COL10A1: variants seen among roughly 807,000 people sequenced by gnomAD.
COL10A1 encodes the protein collagen alpha-1(X) chain.
A neutral mutation model predicts 18.2 loss-of-function variants in COL10A1; 10 were observed. The ratio of observed to expected loss-of-function variants is 0.55; its 90% CI spans 0.34 to 0.93. The LOEUF (loss-of-function observed/expected upper bound fraction) is 0.93. Among genes scored for constraint, COL10A1 ranks in the 40% least tolerant of loss-of-function variants. The pLI is 0.02. For missense variants in COL10A1, 897 were observed against 853.5 expected, an observed-to-expected ratio of 1.05 and a Z score of -0.64; for synonymous variants, 330 against 316.6, an observed-to-expected ratio of 1.04 and a Z score of -0.45.
the COL10A1 span, among the ~76,000 whole-genome samples, chr6:116,181,109 G>A: frequency 3.3e-5 from 5 of 151,938 alleles, no homozygotes; most frequent in African/African-American, 1.2e-4. Flanking sequence ...TACATATATA[G>A]ATGAAAAGAT....
the COL10A1 span, among the ~76,000 whole-genome samples, chr6:116,192,679 G>GT: frequency 3.4e-3 from 521 of 152,128 alleles, 15 homozygotes; most frequent in South Asian, 0.046. Context: ...GAATTTTGAG[G>GT]TTTTGCCTTA....
intron 1 of COL10A1, among the ~76,000 whole-genome samples, chr6:116,149,743 T>A (rs1779988884): frequency 6.6e-6 from 1 of 152,164 alleles, no homozygotes; most frequent in Non-Finnish European, 1.5e-5. Context: ...GAATCTGGGA[T>A]CTCCACATAA....
At chr6:116,161,556 C>G (rs1390168109), upstream of COL10A1, among the ~76,000 whole-genome samples, 1 of 151,940 alleles carries the variant, frequency 6.6e-6, no homozygotes, top group African/African-American at 2.4e-5. Flanking sequence ...GGCTTTATTT[C>G]TGGGTTCTCT....
At chr6:116,160,245 A>G (rs1219159363), upstream of COL10A1, among the ~76,000 whole-genome samples, 9 of 152,132 alleles carry the variant, frequency 5.9e-5, no homozygotes, top group Admixed American at 5.2e-4. Context: ...GTGTATATAC[A>G]TTTCCTTTTC....
chr6:116,120,995 C>A lies in COL10A1; in HGVS notation c.1121G>T (p.Gly374Val). ...TGPAGPAGYP[G>V]AKGERGSPGS... is the part of the protein sequence containing the mutation. Reference sequence around the variant, plus strand: ...AGGGGAACCCCTTTCACCCTTAGCCCCAGGGTATCCTGCAGGCCCAGCTGG... The same window carrying A: ...AGGGGAACCCCTTTCACCCTTAGCCACAGGGTATCCTGCAGGCCCAGCTGG... The change falls in exon 3 of 3, where the codon GGG (glycine) becomes GTG (valine). Residue 374 changes from glycine (G) to valine (V), a missense_variant. Transcript: ENST00000651968. 1 of 1,613,966 alleles carries A rather than the reference C, an allele frequency of 6.2e-7. No individual in the cohort carries two copies. The highest frequency in any genetic ancestry group is 8.5e-7 in the Non-Finnish European group (1 of 1,179,888).
At chr6:116,135,849 A>ATATATATATATATATATG (rs1562132583) in intron 1 of COL10A1, among the ~76,000 whole-genome samples, 1 of 102,484 alleles carries the variant, frequency 9.8e-6, no homozygotes, top group South Asian at 2.5e-4. Flanking sequence ...ATATATATAT[A>ATATATATATATATATATG]TATATATATA....
At chr6:116,141,384 A>G (rs1215387372) in intron 1 of COL10A1, among the ~76,000 whole-genome samples, 1 of 151,900 alleles carries the variant, frequency 6.6e-6, no homozygotes, top group Non-Finnish European at 1.5e-5. Flanking sequence ...TCTCTAGGGC[A>G]TCTTATGTGT....
At chr6:116,134,518 T>A (rs1001779314) in intron 1 of COL10A1, among the ~76,000 whole-genome samples, 3 of 152,186 alleles carry the variant, frequency 2.0e-5, no homozygotes, top group African/African-American at 7.2e-5. Context: ...TGTCCCTGAA[T>A]GAAGGAACTA....
At chr6:116,188,487 T>C in the COL10A1 span, among the ~76,000 whole-genome samples, 1 of 151,946 alleles carries the variant, frequency 6.6e-6, no homozygotes, top group Non-Finnish European at 1.5e-5. Flanking sequence ...ATGAACAACA[T>C]GAATGAATCT....
upstream of COL10A1, among the ~76,000 whole-genome samples, chr6:116,130,002 A>G (rs1216353997): frequency 6.6e-6 from 1 of 152,188 alleles, no homozygotes; most frequent in East Asian, 1.9e-4. Context: ...TACTTCTGTT[A>G]GGAAGCCCTT....
chr6:116,129,005 C>T (rs759531835), upstream of COL10A1, among the ~76,000 whole-genome samples: 3 of 152,156 alleles, frequency 2.0e-5, no homozygotes, highest in Non-Finnish European at 4.4e-5. Context: ...CTGATCTCAA[C>T]TCGCTGTCAC....
At chr6:116,144,890 A>C (rs1387354218) in intron 1 of COL10A1, among the ~76,000 whole-genome samples, 2 of 152,188 alleles carry the variant, frequency 1.3e-5, no homozygotes, top group African/African-American at 2.4e-5. Context: ...GACGTTTTCA[A>C]ACAGGGGATC....
chr6:116,156,300 T>G (rs1464102572), intron 1 of COL10A1, among the ~76,000 whole-genome samples: 8 of 152,174 alleles, frequency 5.3e-5, no homozygotes, highest in Non-Finnish European at 1.0e-4. Context: ...ACTTTGTTTT[T>G]GGAGTTAAAA....
chr6:116,130,457 T>TA (rs397886323), upstream of COL10A1, among the ~76,000 whole-genome samples: 1 of 152,034 alleles, frequency 6.6e-6, no homozygotes. Flanking sequence ...TAGTTTTTTT[T>TA]ATAGCTTCTT....
the COL10A1 span, among the ~76,000 whole-genome samples, chr6:116,210,438 G>T: frequency 5.1e-3 from 772 of 151,944 alleles, 7 homozygotes; most frequent in African/African-American, 0.017. Context: ...TTGTAACTGG[G>T]CAGTATTGCA....
the COL10A1 span, among the ~76,000 whole-genome samples, chr6:116,185,130 T>C: frequency 8.4e-4 from 128 of 152,144 alleles, 4 homozygotes; most frequent in Admixed American, 8.3e-3. Flanking sequence ...CCAAAGATCA[T>C]TCAGGAGCAA....
intron 1 of COL10A1, among the ~76,000 whole-genome samples, chr6:116,135,745 C>T (rs1010329973): frequency 4.0e-5 from 6 of 149,586 alleles, no homozygotes; most frequent in African/African-American, 1.5e-4. Context: ...TTCACAAATA[C>T]TCAGCTTAAA....
chr6:116,213,367 G>A, the COL10A1 span, among the ~76,000 whole-genome samples: 2 of 152,052 alleles, frequency 1.3e-5, no homozygotes, highest in Admixed American at 1.3e-4. Context: ...ATTCCTCACA[G>A]CATCTCAGGT....
At chr6:116,155,928 A>G (rs1008796647) in intron 1 of COL10A1, among the ~76,000 whole-genome samples, 4 of 152,130 alleles carry the variant, frequency 2.6e-5, no homozygotes, top group African/African-American at 7.2e-5. Flanking sequence ...AATTTACAAG[A>G]GACAAATGTA....
Sources: allele counts gnomAD v4.1 joint callset (sites outside exome capture counted in the v4.1 genomes callset), GRCh38; gene constraint gnomAD v4.1.1; transcripts MANE v1.5; gene names NCBI Gene and HGNC (gene_info 2026-07-23, HGNC 2026-07-21).